DIS3L2: variants seen among roughly 807,000 people sequenced by gnomAD.
DIS3L2 encodes the protein DIS3-like exonuclease 2.
Under a neutral mutation model 97.5 loss-of-function variants are expected in DIS3L2, and 34 were observed. The observed-to-expected ratio is 0.35, with a 90% CI of 0.27 to 0.46. DIS3L2 has a LOEUF of 0.46. DIS3L2 is among the 20% of genes least tolerant of loss of function. DIS3L2 has a pLI of 1.00. For missense variants in DIS3L2, 1,038 were observed against 1,146.0 expected (o/e 0.91, Z 1.36); for synonymous variants, 435 against 445.2 (o/e 0.98, Z 0.29).
intron 14 of DIS3L2, among the ~76,000 whole-genome samples, chr2:232,303,966 G>A (rs541832076): frequency 2.0e-5 from 3 of 152,226 alleles, no homozygotes; most frequent in Admixed American, 6.5e-5. Context: ...CACAGCTGTC[G>A]GGTAAACATT....
chr2:232,035,664 C>T (rs1163827524), intron 5 of DIS3L2, among the ~76,000 whole-genome samples: 1 of 152,110 alleles, frequency 6.6e-6, no homozygotes, highest in Non-Finnish European at 1.5e-5. Flanking sequence ...ATATTTAGTG[C>T]TTCCTTCAGG....
rs1415645565 is a variant in DIS3L2, at chr2:232,278,395, A to G, written c.1659+14955A>G. 5.3e-5 allele frequency among the ~76,000 whole-genome samples: 8 copies of G among 152,280 alleles called. No individual in the cohort carries two copies. In the East Asian group the frequency reaches 1.5e-3, roughly 29 times the overall value. On this transcript the variant is annotated intron_variant, in intron 13 of 20. Coordinates refer to ENST00000325385, the MANE Select transcript of DIS3L2 (RefSeq NM_152383.5). Reference sequence around the variant, plus strand: ...TGCAAGCTACACGTATAGTCATGTAATTGCCACCACAATCAAGATACAGAA... The same window carrying G: ...TGCAAGCTACACGTATAGTCATGTAGTTGCCACCACAATCAAGATACAGAA...
intron 14 of DIS3L2, among the ~76,000 whole-genome samples, chr2:232,302,503 G>C (rs1468304024): frequency 5.9e-5 from 9 of 151,314 alleles, no homozygotes; most frequent in African/African-American, 2.2e-4. Flanking sequence ...TCAATCTTTA[G>C]ACAACTTTCC....
At position 232,268,641 on chromosome 2, in the gene DIS3L2, T is replaced by A. The variant is rs1045557139; in HGVS notation, c.1659+5201T>A. Among the ~76,000 whole-genome samples, 1 of 152,240 alleles carries A rather than the reference T, an allele frequency of 6.6e-6. No homozygotes were observed. The highest frequency in any genetic ancestry group is 1.5e-5 in the Non-Finnish European group (1 of 68,032). On this transcript the variant is annotated intron_variant, in intron 13 of 20. Transcript: ENST00000325385. The surrounding 1 kb of genome is among the most constrained non-coding windows in gnomAD (Gnocchi z 4.1). ...AGTTTTCACACATCACAAAATATTG[T>A]TCTTCCTTTGATTATTTTTCAGCCA...
At chr2:232,287,296 G>GT (rs887928883) in intron 13 of DIS3L2, among the ~76,000 whole-genome samples, 35 of 146,554 alleles carry the variant, frequency 2.4e-4, no homozygotes, top group African/African-American at 3.1e-4. Flanking sequence ...TATCCAAGGA[G>GT]TTTTTTATTA....
chr2:232,326,258 C>T (rs181396685), intron 14 of DIS3L2, among the ~76,000 whole-genome samples: 1 of 152,278 alleles, frequency 6.6e-6, no homozygotes, highest in East Asian at 1.9e-4. Flanking sequence ...CTGTGCTGGC[C>T]GCAGATGAGA....
chr2:232,336,564 C>T lies in DIS3L2; in HGVS notation c.2592C>T (p.Gly864=), dbSNP rs376585486. ...SAILKRPGTQ[G]HLGPEKEEEE... is the part of the protein sequence containing the mutation. ...TCCTGAAGCGGCCAGGCACCCAGGG[C>T]CACCTGGGCCCTGAGAAGGAGGAGG... Residue 864 remains glycine (G), a synonymous_variant, in exon 21 of 21, where the codon GGC becomes GGT. Transcript: ENST00000325385. 116 of 1,609,348 alleles carry T rather than the reference C, an allele frequency of 7.2e-5. No individual in the cohort carries two copies. Among genetic ancestry groups the T allele is most frequent in the Non-Finnish European group, 9.3e-5 (110 of 1,179,954 alleles).
intron 14 of DIS3L2, among the ~76,000 whole-genome samples, chr2:232,304,063 A>C (rs1196911634): frequency 1.3e-5 from 2 of 151,932 alleles, no homozygotes; most frequent in Non-Finnish European, 2.9e-5. Flanking sequence ...ACCCTGAATT[A>C]TTCTGTCAGC....
At chr2:232,090,098 TTTG>T (rs1005054298) in intron 6 of DIS3L2, among the ~76,000 whole-genome samples, 1 of 151,854 alleles carries the variant, frequency 6.6e-6, no homozygotes, top group Non-Finnish European at 1.5e-5. Context: ...CCAGATAATT[TTTG>T]TTGTTGTTGT....
chr2:232,219,834 A>G (rs1055281137), intron 10 of DIS3L2, among the ~76,000 whole-genome samples: 8 of 152,180 alleles, frequency 5.3e-5, no homozygotes, highest in African/African-American at 7.2e-5. Flanking sequence ...TTCAAATTCA[A>G]TAAGTGCTGA....
chr2:232,101,404 TTG>T (rs1220453253), intron 6 of DIS3L2, among the ~76,000 whole-genome samples: 1 of 152,192 alleles, frequency 6.6e-6, no homozygotes, highest in Non-Finnish European at 1.5e-5. Context: ...GATGTATTTT[TTG>T]TATACATGCA....
intron 9 of DIS3L2, among the ~76,000 whole-genome samples, chr2:232,197,480 T>C (rs1264578722): frequency 6.6e-6 from 1 of 152,172 alleles, no homozygotes; most frequent in Non-Finnish European, 1.5e-5. Flanking sequence ...GAGTATCTAC[T>C]GTGAAGAAAC....
chr2:232,326,839 C>T (rs546074148), intron 14 of DIS3L2, among the ~76,000 whole-genome samples: 1 of 152,184 alleles, frequency 6.6e-6, no homozygotes, highest in Admixed American at 6.5e-5. Context: ...CATAGCCTCA[C>T]CAGGCTTCAC....
chr2:232,148,476 G>C (rs961763684), intron 8 of DIS3L2, among the ~76,000 whole-genome samples: 7 of 152,128 alleles, frequency 4.6e-5, no homozygotes, highest in African/African-American at 1.7e-4. Context: ...TCCAATGAAA[G>C]TCCGTAATAA....
At chr2:232,226,693 C>T (rs1692658984) in intron 10 of DIS3L2, among the ~76,000 whole-genome samples, 1 of 152,178 alleles carries the variant, frequency 6.6e-6, no homozygotes, top group Non-Finnish European at 1.5e-5. Context: ...TGTTCAAGGC[C>T]AGGTGGGGTG....
chr2:232,222,492 A>T (rs896110701), intron 10 of DIS3L2, among the ~76,000 whole-genome samples: 5 of 151,742 alleles, frequency 3.3e-5, no homozygotes, highest in African/African-American at 7.3e-5. Flanking sequence ...TTTTTTTAAG[A>T]CTGAGTCTTG....
At chr2:232,316,541 G>C (rs775991321) in intron 14 of DIS3L2, among the ~76,000 whole-genome samples, 57 of 152,140 alleles carry the variant, frequency 3.7e-4, no homozygotes, top group Non-Finnish European at 7.1e-4. Context: ...TGGAATCTGT[G>C]AGGAAGCCGA....
At chr2:232,056,245 C>T (rs1482761857) in intron 5 of DIS3L2, among the ~76,000 whole-genome samples, 1 of 152,026 alleles carries the variant, frequency 6.6e-6, no homozygotes, top group Non-Finnish European at 1.5e-5. Context: ...GTGGTGTGTG[C>T]CTGTAGTCAC....
intron 8 of DIS3L2, among the ~76,000 whole-genome samples, chr2:232,137,290 T>C (rs1698385868): frequency 6.6e-6 from 1 of 152,230 alleles, no homozygotes; most frequent in South Asian, 2.1e-4. Context: ...AGGAGCATCA[T>C]GGATGGCCAC....
Sources: gnomAD v4.1 joint callset for allele counts (sites outside exome capture counted in the v4.1 genomes callset) on GRCh38, gnomAD v4.1.1 for gene constraint, Gnocchi (gnomAD v3.1) non-coding constraint, MANE v1.5 for transcripts, NCBI Gene and HGNC (gene_info 2026-07-23, HGNC 2026-07-21) for gene names.